Variants in MITF observed in about 807,000 individuals in gnomAD.
The protein encoded by MITF is microphthalmia-associated transcription factor.
A neutral mutation model predicts 60.5 loss-of-function variants in MITF; 17 were observed. The ratio of observed to expected loss-of-function variants is 0.28; its 90% confidence interval spans 0.19 to 0.42. The LOEUF (loss-of-function observed/expected upper bound fraction) is 0.42, where lower values mean the gene tolerates loss of function less well. Ranked by LOEUF, MITF falls within the 10% of genes least tolerant of loss-of-function variation. The pLI, the probability that MITF is intolerant of heterozygous loss-of-function variation, is 1.00. For missense variants in MITF, 622 were observed against 683.5 expected (o/e 0.91, Z 1.00); for synonymous variants, 260 against 248.5 (o/e 1.05, Z -0.43).
intron 1 of MITF, among the ~76,000 whole-genome samples, chr3:69,837,764 C>G (rs1363720429): frequency 6.6e-6 from 1 of 152,118 alleles, no homozygotes; most frequent in African/African-American, 2.4e-5. Flanking sequence ...ATTGAATATT[C>G]ATATGTTTCC....
Position 69,965,090 on chromosome 3 carries a change from A to G in MITF, c.1423A>G (p.Thr475Ala), listed in dbSNP as rs1266836399. ...TEANQAYSVPTKMGSKLEDIL... is the reference protein window; with the variant it reads ...TEANQAYSVPAKMGSKLEDIL... ...GGCCAACCAAGCCTATAGTGTCCCC[A>G]CAAAAATGGGATCCAAACTGGAAGA... The change falls in exon 10 of 10, where the codon ACA becomes GCA. Residue 475 changes from threonine (T) to alanine (A), a missense_variant. This residue lies in a region of MITF where 224 missense variants were observed against 209.5 expected (regional missense o/e 1.07). Coordinates refer to ENST00000352241, the MANE Select transcript of MITF (RefSeq NM_001354604.2). 4 of 1,614,142 alleles carry G rather than the reference A, an allele frequency of 2.5e-6. No individual in the cohort carries two copies. The highest frequency in any genetic ancestry group is 2.2e-5 in the East Asian group (1 of 44,854).
intron 1 of MITF, among the ~76,000 whole-genome samples, chr3:69,748,559 A>G (rs189109466): frequency 8.5e-5 from 13 of 152,324 alleles, no homozygotes; most frequent in Admixed American, 5.9e-4. Context: ...AACTTTCACA[A>G]CGAAAAATAC....
At chr3:69,936,488 T>C in intron 2 of MITF, 1 of 870,894 alleles carries the variant, frequency 1.1e-6, no homozygotes, top group South Asian at 3.0e-5. Context: ...AAGACCAAAC[T>C]CGTAGGGCTT....
At chr3:69,902,303 A>G (rs1575921747) in intron 2 of MITF, among the ~76,000 whole-genome samples, 1 of 152,092 alleles carries the variant, frequency 6.6e-6, no homozygotes, top group African/African-American at 2.4e-5. Context: ...TAATAAGGCC[A>G]TGACAGCTAA....
At chr3:69,879,662 GA>G (rs1421125959) in intron 2 of MITF, among the ~76,000 whole-genome samples, 2 of 152,178 alleles carry the variant, frequency 1.3e-5, no homozygotes, top group Non-Finnish European at 2.9e-5. Context: ...CTTTCTTTGG[GA>G]AAGTTTCAAA....
intron 5 of MITF, 143 bp from the exon 6 acceptor site, chr3:69,948,908 T>A: frequency 1.5e-6 from 1 of 677,004 alleles, no homozygotes; most frequent in Non-Finnish European, 2.6e-6. Flanking sequence ...AAAGTAAACA[T>A]CTCATATTTT....
intron 2 of MITF, among the ~76,000 whole-genome samples, chr3:69,895,948 G>T (rs537918823): frequency 6.6e-6 from 1 of 151,392 alleles, no homozygotes; most frequent in Admixed American, 6.6e-5. Context: ...CTCTATAGAT[G>T]CTAACACCCC....
In MITF at chr3:69,890,579, G is replaced by A. The variant is rs1054518229; in HGVS notation, c.354+11196G>A. Reference sequence around the variant, plus strand: ...ATTGAAAACTAGGTTTTTTTGGTGGGGTTTTATGTATGATTTTTATTTGTG... The same window carrying A: ...ATTGAAAACTAGGTTTTTTTGGTGGAGTTTTATGTATGATTTTTATTTGTG... On this transcript the variant is annotated intron_variant, in intron 2 of 9. Transcript: ENST00000352241. 2.0e-5 allele frequency among the ~76,000 whole-genome samples: 3 copies of A among 151,802 alleles called. No homozygotes were observed. The East Asian group carries it at 5.8e-4, about 29-fold the overall frequency.
At chr3:69,836,589 A>G (rs2107122293) in intron 1 of MITF, among the ~76,000 whole-genome samples, 1 of 152,298 alleles carries the variant, frequency 6.6e-6, no homozygotes, top group East Asian at 1.9e-4. Context: ...CAATTTTACA[A>G]AGTGGATCTT....
chr3:69,895,662 CT>C (rs1209265362), intron 2 of MITF, among the ~76,000 whole-genome samples: 5 of 152,060 alleles, frequency 3.3e-5, no homozygotes, highest in Non-Finnish European at 5.9e-5. Flanking sequence ...GCTATGGATG[CT>C]TTTTTATGTT....
At chr3:69,829,948 G>C (rs909249465) in intron 1 of MITF, among the ~76,000 whole-genome samples, 1 of 152,178 alleles carries the variant, frequency 6.6e-6, no homozygotes, top group Non-Finnish European at 1.5e-5. Flanking sequence ...AGAATTCACT[G>C]CCACGTATCA....
intron 1 of MITF, among the ~76,000 whole-genome samples, chr3:69,840,662 C>A (rs181267324): frequency 3.1e-4 from 47 of 151,990 alleles, no homozygotes; most frequent in Admixed American, 2.2e-3. Context: ...TATCCAGCCT[C>A]TTTGGATTTT....
chr3:69,740,576 G>T (rs911254189), intron 1 of MITF, among the ~76,000 whole-genome samples: 5 of 152,242 alleles, frequency 3.3e-5, no homozygotes, highest in South Asian at 4.2e-4. Flanking sequence ...ATTCCCACTT[G>T]TCTGTCGAAA....
chr3:69,818,103 CT>C (rs527251968), intron 1 of MITF, among the ~76,000 whole-genome samples: 164 of 152,248 alleles, frequency 1.1e-3, no homozygotes, highest in Non-Finnish European at 2.1e-4. Flanking sequence ...AATGCAGGGA[CT>C]TTTTCCTGGG....
chr3:69,804,881 A>G (rs1575740030), intron 1 of MITF, among the ~76,000 whole-genome samples: 2 of 152,316 alleles, frequency 1.3e-5, no homozygotes, highest in Non-Finnish European at 2.9e-5. Flanking sequence ...GAAAGGCTAT[A>G]CAATAATTTT....
intron 1 of MITF, among the ~76,000 whole-genome samples, chr3:69,864,245 G>C (rs979155254): frequency 6.6e-6 from 1 of 152,112 alleles, no homozygotes; most frequent in African/African-American, 2.4e-5. Context: ...TTTGAACCTG[G>C]ATAAATAAAC....
At chr3:69,750,900 G>A (rs144080201) in intron 1 of MITF, among the ~76,000 whole-genome samples, 50 of 152,202 alleles carry the variant, frequency 3.3e-4, no homozygotes, top group Non-Finnish European at 6.6e-4. Context: ...CATATTTGCC[G>A]TGTTTAATCA....
chr3:69,816,881 GA>G (rs1194091813), intron 1 of MITF, among the ~76,000 whole-genome samples: 1 of 152,048 alleles, frequency 6.6e-6, no homozygotes, highest in Non-Finnish European at 1.5e-5. Context: ...ATGTTACATA[GA>G]AAAAAATGCT....
intron 2 of MITF, among the ~76,000 whole-genome samples, chr3:69,918,245 G>A (rs77463942): frequency 0.024 from 3,638 of 151,802 alleles, 78 homozygotes; most frequent in African/African-American, 0.057. Flanking sequence ...TTTTGTTTTC[G>A]CCATGTTGGC....
Sources: allele counts gnomAD v4.1 joint callset (sites outside exome capture counted in the v4.1 genomes callset), GRCh38; gene constraint gnomAD v4.1.1; regional missense constraint gnomAD v4.1.1; transcripts MANE v1.5; gene names NCBI Gene and HGNC (gene_info 2026-07-23, HGNC 2026-07-21).